USP32: variants seen among roughly 807,000 people sequenced by gnomAD.
USP32 encodes ubiquitin specific peptidase 32.
Under a neutral mutation model 204.8 loss-of-function variants are expected in USP32, and 59 were observed. The observed-to-expected ratio is 0.29, with a 90% CI of 0.23 to 0.36. USP32 has a LOEUF of 0.36. USP32 is among the 10% of genes least tolerant of loss of function. USP32 has a pLI of 1.00. For missense variants in USP32, 1,160 were observed against 1,946.4 expected, an observed-to-expected ratio of 0.60 and a Z score of 7.60; for synonymous variants, 517 against 678.4, an observed-to-expected ratio of 0.76 and a Z score of 3.70.
intron 12 of USP32, among the ~76,000 whole-genome samples, chr17:60,230,294 T>C (rs1176409590): frequency 6.6e-6 from 1 of 152,208 alleles, no homozygotes; most frequent in Non-Finnish European, 1.5e-5. Context: ...GGTGCCTATG[T>C]TTCTAAAGAA....
intron 2 of USP32, among the ~76,000 whole-genome samples, chr17:60,303,986 G>A (rs781110293): frequency 6.6e-6 from 1 of 151,696 alleles, no homozygotes; most frequent in Non-Finnish European, 1.5e-5. Context: ...AAGAGAATGG[G>A]GCAAAATAAA....
chr17:60,382,644 G>C (rs1047032147), intron 1 of USP32, among the ~76,000 whole-genome samples: 2 of 152,124 alleles, frequency 1.3e-5, no homozygotes, highest in African/African-American at 4.8e-5. Context: ...TCTGTGTGTT[G>C]AATTTTATAT....
In USP32 at chr17:60,417,958, C is replaced by CTTT. The variant is rs770082982; in HGVS notation, c.106+4285_106+4287dup. Among the ~76,000 whole-genome samples the CTTT allele has an allele frequency of 4.8e-4, 54 of 112,750 alleles. 4 individuals carry two copies. Among genetic ancestry groups the CTTT allele is most frequent in the African/African-American group, 1.8e-3 (46 of 25,736 alleles). 74.0% of individuals were successfully genotyped at this position (112,750 alleles called of 152,430 possible). A position where few individuals can be genotyped will look rare whatever the true frequency, so the allele number is the denominator to read the frequency against. On this transcript the variant is annotated intron_variant, in intron 1 of 3. Transcript: ENST00000588898. ...GCGTCCACCACCACGTCCGGCTAAT[C>CTTT]TTTTTTTTTTTTTTTTTGAGACGGA...
intron 1 of USP32, among the ~76,000 whole-genome samples, chr17:60,352,434 G>T (rs73320748): frequency 6.6e-6 from 1 of 152,172 alleles, no homozygotes; most frequent in African/African-American, 2.4e-5. Context: ...ACTGCCATAT[G>T]ACCCTTGGAT....
intron 11 of USP32, chr17:60,245,421 C>A: frequency 2.6e-6 from 1 of 381,484 alleles, no homozygotes; most frequent in South Asian, 2.3e-5. Context: ...TGCACGTCAG[C>A]AGCACTTCCA....
intron 4 of USP32, among the ~76,000 whole-genome samples, chr17:60,291,880 T>C (rs779900908): frequency 6.6e-6 from 1 of 152,032 alleles, no homozygotes; most frequent in Non-Finnish European, 1.5e-5. Context: ...CACAGTCTTA[T>C]GATGTCTTTA....
At position 60,327,597 on chromosome 17, in the gene USP32, G is replaced by C. The variant is rs1456102741; in HGVS notation, c.186+17884C>G. 2.6e-5 allele frequency among the ~76,000 whole-genome samples: 4 copies of C among 152,112 alleles called. No individual in the cohort carries two copies. In the East Asian group the frequency reaches 7.7e-4, roughly 29 times the overall value. ...CAGAGAGGGGCCCAGCGAGGACATG[G>C]AGCCCCCACACCAGGCTGCAAGGAG... On this transcript the variant is annotated intron_variant, in intron 2 of 33. Coordinates refer to ENST00000300896, the MANE Select transcript of USP32 (RefSeq NM_032582.4).
chr17:60,299,213 A>G (rs1174117701), intron 3 of USP32, among the ~76,000 whole-genome samples: 1 of 152,230 alleles, frequency 6.6e-6, no homozygotes, highest in African/African-American at 2.4e-5. Context: ...ATATTATTGT[A>G]TGACAATTAT....
chr17:60,345,720 G>T (rs150429593), intron 1 of USP32, 112 bp from the exon 2 acceptor site: 210 of 1,362,882 alleles, frequency 1.5e-4, no homozygotes, highest in Non-Finnish European at 1.4e-4. Context: ...AGTGGCTCAC[G>T]CCTATAATCC....
chr17:60,222,357 AGACCCCCATCTAT>A, intron 15 of USP32, 39 bp downstream of exon 15: 1 of 1,571,296 alleles, frequency 6.4e-7, no homozygotes, highest in Non-Finnish European at 8.7e-7. Context: ...AAGTAACAGA[AGACCCCCATCTAT>A]GACTGCTCCT....
At chr17:60,368,529 G>A (rs1344921041) in intron 1 of USP32, among the ~76,000 whole-genome samples, 3 of 151,924 alleles carry the variant, frequency 2.0e-5, no homozygotes, top group Non-Finnish European at 1.5e-5. Flanking sequence ...CGGTTGGGGG[G>A]CGGGGGAAAC....
chr17:60,411,712 T>C (rs2090019808), intron 1 of USP32, among the ~76,000 whole-genome samples: 1 of 151,742 alleles, frequency 6.6e-6, no homozygotes. Context: ...TTGCCTATTT[T>C]AGATATTTCA....
chr17:60,261,375 G>A (rs749313392), intron 9 of USP32, among the ~76,000 whole-genome samples: 6 of 152,098 alleles, frequency 3.9e-5, no homozygotes, highest in South Asian at 4.1e-4. Context: ...GGCCAGGCAC[G>A]GTGGCTCACA....
chr17:60,291,537 ATGTGTGTGTGTGTGTGTG>A (rs58874239), intron 4 of USP32, among the ~76,000 whole-genome samples: 8 of 145,234 alleles, frequency 5.5e-5, no homozygotes, highest in African/African-American at 1.5e-4. Context: ...CTGTGTGTGT[ATGTGTGTGTGTGTGTGTG>A]TGTGTGTGTG....
intron 2 of USP32, among the ~76,000 whole-genome samples, chr17:60,309,693 T>A (rs1304133683): frequency 6.6e-6 from 1 of 152,172 alleles, no homozygotes; most frequent in Non-Finnish European, 1.5e-5. Context: ...TCAGCATCAC[T>A]AATCATCAGA....
At position 60,179,194 on chromosome 17, in the gene USP32, T is replaced by C. The variant is rs1421100518; in HGVS notation, c.*61A>G. 11 of 1,543,146 alleles carry C rather than the reference T, an allele frequency of 7.1e-6. No homozygotes were observed. The highest frequency in any genetic ancestry group is 9.7e-6 in the Non-Finnish European group (11 of 1,139,038). ...GCCTTTCAGTGACGCTTTTGCCAAATGTCAGCTACAAGGAGTCATCTCCCT... is the reference window on the plus strand; with the variant it reads ...GCCTTTCAGTGACGCTTTTGCCAAACGTCAGCTACAAGGAGTCATCTCCCT... On this transcript the variant is annotated 3_prime_UTR_variant, in exon 34 of 34. Coordinates refer to ENST00000300896, the MANE Select transcript of USP32 (RefSeq NM_032582.4).
chr17:60,222,695 T>TTTG, intron 14 of USP32, 146 bp from the exon 15 acceptor site: 1 of 849,776 alleles, frequency 1.2e-6, no homozygotes, highest in Non-Finnish European at 1.7e-6. Context: ...TTTTTTTTTT[T>TTTG]TTTTGAGACG....
intron 1 of USP32, among the ~76,000 whole-genome samples, chr17:60,419,884 G>A (rs1424534195): frequency 1.4e-5 from 2 of 143,746 alleles, no homozygotes; most frequent in Admixed American, 1.4e-4. Flanking sequence ...ATTTGAGTCG[G>A]AGTCTTGCTC....
At chr17:60,257,548 G>A (rs1464880090) in intron 9 of USP32, among the ~76,000 whole-genome samples, 1 of 152,098 alleles carries the variant, frequency 6.6e-6, no homozygotes, top group Non-Finnish European at 1.5e-5. Context: ...GGAGTGCAGT[G>A]GTGTGATCAC....
Sources: gnomAD v4.1 joint callset for allele counts (sites outside exome capture counted in the v4.1 genomes callset) on GRCh38, gnomAD v4.1.1 for gene constraint, MANE v1.5 for transcripts, NCBI Gene and HGNC (gene_info 2026-07-23, HGNC 2026-07-21) for gene names.